MPP3: variants seen among roughly 807,000 people sequenced by gnomAD.
MPP3 encodes the protein MAGUK p55 subfamily member 3.
In MPP3, 48 loss-of-function variants were observed where a neutral mutation model predicts 80.7. The observed-to-expected ratio is 0.59, with a 90% confidence interval of 0.47 to 0.76. The LOEUF is 0.76. Among genes scored for constraint, MPP3 ranks in the 30% least tolerant of loss-of-function variants. The probability of loss-of-function intolerance (pLI) is 0.00; values close to 1 mark genes in which losing one functional copy is unlikely to be tolerated. For synonymous variants in MPP3, 311 were observed against 297.6 expected, an observed-to-expected ratio of 1.04 and a Z score of -0.46; for missense variants, 620 against 763.0, an observed-to-expected ratio of 0.81 and a Z score of 2.21.
intron 11 of MPP3, among the ~76,000 whole-genome samples, chr17:43,820,006 G>A (rs983117315): frequency 6.6e-6 from 1 of 152,064 alleles, no homozygotes; most frequent in African/African-American, 2.4e-5. Context: ...GTGCAGTGGT[G>A]TGATAACAGC....
intron 12 of MPP3, among the ~76,000 whole-genome samples, chr17:43,817,031 G>A (rs531726782): frequency 6.6e-6 from 1 of 152,322 alleles, no homozygotes; most frequent in South Asian, 2.1e-4. Flanking sequence ...GGATCCTGCG[G>A]TGGGAATAGG....
chr17:43,817,106 C>T (rs915723263), intron 12 of MPP3, among the ~76,000 whole-genome samples: 5 of 152,130 alleles, frequency 3.3e-5, no homozygotes, highest in Non-Finnish European at 5.9e-5. Context: ...GAGGATGGAG[C>T]GGGGTGGAGC....
chr17:43,805,750 G>A (rs1466647507), intron 19 of MPP3, among the ~76,000 whole-genome samples: 2 of 152,196 alleles, frequency 1.3e-5, no homozygotes, highest in Non-Finnish European at 2.9e-5. Context: ...AATTTATAGT[G>A]ACAGTAGATT....
At chr17:43,811,326 A>G in intron 16 of MPP3, 121 bp from the exon 17 acceptor site, 1 of 711,596 alleles carries the variant, frequency 1.4e-6, no homozygotes, top group East Asian at 2.6e-5. Context: ...AGGCACTTCC[A>G]CCTCATTGCA....
At position 43,829,673 on chromosome 17, in the gene MPP3, A is replaced by G; in HGVS notation, c.422T>C (p.Val141Ala). 2 of 1,614,008 alleles carry G rather than the reference A, an allele frequency of 1.2e-6. No individual in the cohort carries two copies. Among genetic ancestry groups the G allele is most frequent in the Non-Finnish European group, 8.5e-7 (1 of 1,180,000 alleles). ...DEESVKIVRL[V>A]KNKEPLGATI... ...ACCTACCAGGGGTTCCTTGTTCTTCACCAAGCGGACGATCTTCACCGATTC... is the reference window on the plus strand; with the variant it reads ...ACCTACCAGGGGTTCCTTGTTCTTCGCCAAGCGGACGATCTTCACCGATTC... The change falls in exon 7 of 20, where the codon GTG becomes GCG. Residue 141 changes from valine (V) to alanine (A), a missense_variant. Transcript: ENST00000398389.
chr17:43,807,795 A>C (rs2044682198), intron 19 of MPP3, among the ~76,000 whole-genome samples: 1 of 152,010 alleles, frequency 6.6e-6, no homozygotes, highest in Non-Finnish European at 1.5e-5. Context: ...GTCTCTATAA[A>C]AAAATTTTTT....
Position 43,816,076 on chromosome 17 carries a change from G to T in MPP3, c.971C>A (p.Thr324Asn). The change falls in exon 14 of 20, where the codon ACC (threonine) becomes AAC (asparagine). Residue 324 changes from threonine (T) to asparagine (N), a missense_variant. Coordinates refer to ENST00000398389, the MANE Select transcript of MPP3 (RefSeq NM_001932.6). ...PPYDQPCDKE[T>N]CDCEGYLKGH... ...TTTGAGGTAGCCCTCACAGTCACAG[G>T]TCTCTGGGAAGCAAACAGAGGGAGG... 6.6e-7 allele frequency: 1 copy of T among 1,509,578 alleles called. No homozygotes were observed. The highest frequency in any genetic ancestry group is 8.8e-7 in the Non-Finnish European group (1 of 1,134,432). 93.5% of individuals were successfully genotyped at this position (1,509,578 alleles called of 1,614,324 possible).
Position 43,831,925 on chromosome 17 carries a change from C to G in MPP3, c.-19G>C, listed in dbSNP as rs754521310. 1 of 1,612,298 alleles carries G rather than the reference C, an allele frequency of 6.2e-7. No individual in the cohort carries two copies. Among genetic ancestry groups the G allele is most frequent in the East Asian group, 2.2e-5 (1 of 44,838 alleles). On this transcript the variant is annotated 5_prime_UTR_variant, in exon 3 of 20. Transcript: ENST00000398389. ...CTGGCATGCTGGCGTTGTCACCTCC[C>G]GACCTCTCCCTGCAGATTCTGGGAG...
At chr17:43,815,791 G>C (rs1250893615) in intron 14 of MPP3, 2 of 680,482 alleles carry the variant, frequency 2.9e-6, no homozygotes, top group Admixed American at 4.2e-5. Flanking sequence ...TTAATGTAGG[G>C]GTGTGTGTGC....
At chr17:43,815,060 G>A (rs1445165483) in intron 14 of MPP3, among the ~76,000 whole-genome samples, 3 of 152,226 alleles carry the variant, frequency 2.0e-5, no homozygotes, top group Admixed American at 6.5e-5. Context: ...GGGGCTGGGT[G>A]CAGTGGCTCA....
intron 2 of MPP3, chr17:43,832,365 C>A (rs2046007766): frequency 4.7e-6 from 1 of 213,918 alleles, no homozygotes; most frequent in South Asian, 6.6e-5. Context: ...TCCACTGCAA[C>A]CTTCTAAGAG....
chr17:43,820,068 C>A (rs930893096), intron 11 of MPP3, among the ~76,000 whole-genome samples: 1 of 152,102 alleles, frequency 6.6e-6, no homozygotes, highest in Non-Finnish European at 1.5e-5. Context: ...ACCCCAGCCT[C>A]CCGAGTAGCT....
intron 8 of MPP3, among the ~76,000 whole-genome samples, chr17:43,827,288 T>C (rs1041775933): frequency 1.3e-5 from 2 of 151,672 alleles, no homozygotes; most frequent in African/African-American, 4.8e-5. Flanking sequence ...AATGCTGGGA[T>C]TACAGGCGTG....
chr17:43,820,387 G>C (rs991553264), intron 11 of MPP3, among the ~76,000 whole-genome samples: 1 of 151,990 alleles, frequency 6.6e-6, no homozygotes, highest in Non-Finnish European at 1.5e-5. Context: ...GATCACTTGA[G>C]GCCAGGAGTT....
At position 43,827,823 on chromosome 17, in the gene MPP3, T is replaced by C. The variant is rs776910953; in HGVS notation, c.451A>G (p.Ile151Val). ...VKNKEPLGAT[I>V]RRDEHSGAVV... ...GCCCCTGAGTGCTCGTCCCGCCGGA[T>C]GGTGGCACCCTGAACCCGAGACAGA... Residue 151 changes from isoleucine (I) to valine (V), a missense_variant, in exon 8 of 20, where the codon ATC becomes GTC. By Grantham distance (29) the Ile-to-Val change is conservative (BLOSUM62 3). Coordinates refer to ENST00000398389, the MANE Select transcript of MPP3 (RefSeq NM_001932.6). The C allele has an allele frequency of 1.3e-5, 21 of 1,613,148 alleles. No individual in the cohort carries two copies. The South Asian group carries it at 1.3e-4, about 10-fold the overall frequency.
chr17:43,801,808 C>T lies in MPP3; in HGVS notation c.1651G>A (p.Ala551Thr), dbSNP rs752209290. The change falls in exon 20 of 20, where the codon GCC becomes ACC. Residue 551 changes from alanine to threonine, a missense_variant. Coordinates refer to ENST00000398389, the MANE Select transcript of MPP3 (RefSeq NM_001932.6). ...IDRHYGHLVD[A>T]VLVKEDLQGA... ...TGGAGATCCTCCTTCACCAGCACGGCGTCTACCAGGTGCCCGTAATGCCGG... is the reference window on the plus strand; with the variant it reads ...TGGAGATCCTCCTTCACCAGCACGGTGTCTACCAGGTGCCCGTAATGCCGG... The T allele has an allele frequency of 5.0e-6, 8 of 1,614,000 alleles. No individual in the cohort carries two copies. The highest frequency in any genetic ancestry group is 1.6e-4 in the Middle Eastern group (1 of 6,084).
chr17:43,826,283 G>A (rs2143081298), intron 8 of MPP3, among the ~76,000 whole-genome samples: 1 of 152,310 alleles, frequency 6.6e-6, no homozygotes, highest in African/African-American at 2.4e-5. Flanking sequence ...CATTAAGAGT[G>A]TAAACACACT....
At chr17:43,820,499 G>A (rs1392831372) in intron 11 of MPP3, among the ~76,000 whole-genome samples, 1 of 151,490 alleles carries the variant, frequency 6.6e-6, no homozygotes, top group Admixed American at 6.6e-5. Flanking sequence ...GGCTGAGGCG[G>A]GAGAATTGCT....
At chr17:43,829,585 C>T (rs1258860354) in intron 7 of MPP3, 69 bp downstream of exon 7, 2 of 1,573,300 alleles carry the variant, frequency 1.3e-6, no homozygotes, top group Non-Finnish European at 1.7e-6. Flanking sequence ...AGGATCTTGT[C>T]CAGTGTTCTG....
Sources: allele counts gnomAD v4.1 joint callset (sites outside exome capture counted in the v4.1 genomes callset), GRCh38; gene constraint gnomAD v4.1.1; transcripts MANE v1.5; gene names NCBI Gene and HGNC (gene_info 2026-07-23, HGNC 2026-07-21).